The following SLC2A9 variants were observed in gnomAD, a reference collection of about 807,000 sequenced individuals.
The protein encoded by SLC2A9 is solute carrier family 2, facilitated glucose transporter member 9.
SLC2A9 carries 39 observed loss-of-function variants against 50.6 expected under a neutral mutation model. The observed-to-expected ratio is 0.77, with a 90% CI of 0.60 to 1.01. SLC2A9 has a LOEUF of 1.01. Ranked by LOEUF, SLC2A9 falls within the 50% of genes least tolerant of loss-of-function variation. The probability of loss-of-function intolerance (pLI) is 0.00; values close to 1 mark genes in which losing one functional copy is unlikely to be tolerated. For synonymous variants in SLC2A9, 324 were observed against 276.9 expected, an observed-to-expected ratio of 1.17 and a Z score of -1.69; for missense variants, 686 against 677.6, an observed-to-expected ratio of 1.01 and a Z score of -0.14.
At chr4:9,832,570 C>G (rs1045682037) in intron 11 of SLC2A9, among the ~76,000 whole-genome samples, 1 of 152,196 alleles carries the variant, frequency 6.6e-6, no homozygotes, top group Non-Finnish European at 1.5e-5. Context: ...TACCCAGCTT[C>G]TCAGGAACTG....
At chr4:9,829,900 T>A (rs2109103271) in intron 11 of SLC2A9, among the ~76,000 whole-genome samples, 2 of 152,300 alleles carry the variant, frequency 1.3e-5, no homozygotes, top group South Asian at 4.1e-4. Flanking sequence ...AAGGAATGCT[T>A]CTACATTGTT....
At chr4:9,938,369 T>G (rs1747499754) in intron 6 of SLC2A9, among the ~76,000 whole-genome samples, 1 of 151,524 alleles carries the variant, frequency 6.6e-6, no homozygotes, top group Admixed American at 6.6e-5. Context: ...CCTCCCAGGT[T>G]CACGCCATTC....
At chr4:10,032,366 AG>A (rs1162214900) in intron 1 of SLC2A9, among the ~76,000 whole-genome samples, 3 of 152,102 alleles carry the variant, frequency 2.0e-5, no homozygotes, top group Non-Finnish European at 2.9e-5. Context: ...TGAGGGTTTC[AG>A]GGACTGGTGT....
At chr4:9,969,337 G>C (rs997885313) in intron 5 of SLC2A9, among the ~76,000 whole-genome samples, 1 of 152,016 alleles carries the variant, frequency 6.6e-6, no homozygotes, top group Non-Finnish European at 1.5e-5. Context: ...AAATTTCCTT[G>C]CAAATTTCTG....
At chr4:10,018,356 C>T (rs1762954610) in intron 2 of SLC2A9, among the ~76,000 whole-genome samples, 1 of 152,134 alleles carries the variant, frequency 6.6e-6, no homozygotes, top group East Asian at 1.9e-4. Context: ...ACCAGCCTAG[C>T]CAATATGGCG....
chr4:10,005,446 T>C (rs1372108367), intron 2 of SLC2A9, among the ~76,000 whole-genome samples: 3 of 152,148 alleles, frequency 2.0e-5, no homozygotes, highest in Non-Finnish European at 2.9e-5. Flanking sequence ...TGGGGAGCCA[T>C]TGGAGGGTTT....
chr4:9,862,384 G>A (rs1333254722), intron 10 of SLC2A9, among the ~76,000 whole-genome samples: 6 of 151,908 alleles, frequency 3.9e-5, no homozygotes, highest in Non-Finnish European at 5.9e-5. Context: ...GTTCTTTCTC[G>A]AAGCTGGAAT....
intron 10 of SLC2A9, among the ~76,000 whole-genome samples, chr4:9,839,240 A>G (rs1727605174): frequency 6.6e-6 from 1 of 152,196 alleles, no homozygotes; most frequent in Non-Finnish European, 1.5e-5. Flanking sequence ...GAAAAGCTCA[A>G]TATCACTGAT....
At chr4:9,980,197 G>A (rs961619860) in intron 5 of SLC2A9, among the ~76,000 whole-genome samples, 1 of 152,142 alleles carries the variant, frequency 6.6e-6, no homozygotes, top group East Asian at 1.9e-4. Context: ...CTAAGCTAAC[G>A]TCTTGAAAAG....
At chr4:9,911,933 A>C (rs1054089142) in intron 7 of SLC2A9, among the ~76,000 whole-genome samples, 43 of 152,324 alleles carry the variant, frequency 2.8e-4, no homozygotes, top group Non-Finnish European at 5.4e-4. Context: ...AATGTGGCAC[A>C]TATACACCAT....
At chr4:9,801,965 A>G (rs1204281153) in intron 3 of SLC2A9, among the ~76,000 whole-genome samples, 2 of 151,990 alleles carry the variant, frequency 1.3e-5, no homozygotes, top group Non-Finnish European at 2.9e-5. Flanking sequence ...CAAAAGATGG[A>G]CTCCCAGCTG....
intron 4 of SLC2A9, among the ~76,000 whole-genome samples, chr4:9,984,207 A>G (rs1408411123): frequency 6.6e-6 from 1 of 152,222 alleles, no homozygotes; most frequent in East Asian, 1.9e-4. Context: ...CCCCTCCAGC[A>G]GGGCAACAAA....
At chr4:9,940,540 T>C (rs1747931615) in intron 6 of SLC2A9, among the ~76,000 whole-genome samples, 1 of 152,248 alleles carries the variant, frequency 6.6e-6, no homozygotes, top group Admixed American at 6.5e-5. Context: ...GGTTACTGTA[T>C]TGAAGAAAAC....
intron 8 of SLC2A9, among the ~76,000 whole-genome samples, chr4:9,902,374 C>T (rs1207335109): frequency 1.3e-5 from 2 of 152,202 alleles, no homozygotes; most frequent in Non-Finnish European, 2.9e-5. Flanking sequence ...AAGAAGCATC[C>T]TGGCCTTGGG....
intron 10 of SLC2A9, among the ~76,000 whole-genome samples, chr4:9,870,726 T>G (rs535606491): frequency 6.6e-6 from 1 of 152,268 alleles, no homozygotes; most frequent in African/African-American, 2.4e-5. Flanking sequence ...AAAGGAGACT[T>G]TGGAGTTGGG....
intron 8 of SLC2A9, among the ~76,000 whole-genome samples, chr4:9,898,269 A>G (rs1738936678): frequency 6.6e-6 from 1 of 152,234 alleles, no homozygotes; most frequent in African/African-American, 2.4e-5. Flanking sequence ...AAAAGAAGGA[A>G]GGTAGTCTCC....
At chr4:9,809,045 A>C (rs1722506873) in intron 3 of SLC2A9, among the ~76,000 whole-genome samples, 2 of 152,230 alleles carry the variant, frequency 1.3e-5, no homozygotes, top group South Asian at 4.1e-4. Flanking sequence ...ATGGAAAAGA[A>C]TGATTCTAAT....
intron 5 of SLC2A9, among the ~76,000 whole-genome samples, chr4:9,976,356 C>G (rs1228884497): frequency 2.0e-5 from 3 of 152,176 alleles, no homozygotes; most frequent in African/African-American, 7.2e-5. Flanking sequence ...GTTTTTCTCT[C>G]TCTTTTTTCA....
At chr4:9,997,084 C>G in intron 2 of SLC2A9, 143 bp from the exon 3 acceptor site, 1 of 870,724 alleles carries the variant, frequency 1.1e-6, no homozygotes, top group East Asian at 2.6e-5. Flanking sequence ...ATCTCATTGG[C>G]CTCTTCTAAC....
Sources: gnomAD v4.1 joint callset for allele counts (sites outside exome capture counted in the v4.1 genomes callset) on GRCh38, gnomAD v4.1.1 for gene constraint, MANE v1.5 for transcripts, NCBI Gene and HGNC (gene_info 2026-07-23, HGNC 2026-07-21) for gene names.